The following OPCML variants were observed in gnomAD, a reference collection of about 807,000 sequenced individuals.
OPCML encodes opioid-binding protein/cell adhesion molecule.
In OPCML, 13 loss-of-function variants were observed where a neutral mutation model predicts 37.8. The observed-to-expected ratio is 0.34, with a 90% CI of 0.22 to 0.55. The LOEUF (loss-of-function observed/expected upper bound fraction) is 0.55. Ranked by LOEUF, OPCML falls within the 20% of genes least tolerant of loss-of-function variation. The pLI is 0.91. For synonymous variants in OPCML, 176 were observed against 168.8 expected (o/e 1.04, Z -0.33); for missense variants, 341 against 435.6 (o/e 0.78, Z 1.93).
At chr11:132,916,571 G>A (rs1944612639) in intron 2 of OPCML, among the ~76,000 whole-genome samples, 1 of 152,168 alleles carries the variant, frequency 6.6e-6, no homozygotes, top group South Asian at 2.1e-4. Flanking sequence ...AATAAAAGAA[G>A]ATGCACCATG....
intron 1 of OPCML, chr11:133,006,583 G>A: frequency 1.0e-6 from 1 of 985,448 alleles, no homozygotes; most frequent in Non-Finnish European, 1.2e-6. Flanking sequence ...GCTGTTGAAA[G>A]TTGAAAGTCG....
At chr11:132,985,214 C>T (rs923433084) in intron 1 of OPCML, among the ~76,000 whole-genome samples, 10 of 152,170 alleles carry the variant, frequency 6.6e-5, no homozygotes, top group African/African-American at 2.2e-4. Context: ...TCTATAGTTT[C>T]TGTGAGTAGG....
chr11:133,289,617 A>C (rs2136534305), intron 1 of OPCML, among the ~76,000 whole-genome samples: 1 of 151,636 alleles, frequency 6.6e-6, no homozygotes, highest in South Asian at 2.1e-4. Context: ...AAAAAAAAAA[A>C]ATTGACATAT....
chr11:133,265,285 C>A (rs1007134651), intron 1 of OPCML, among the ~76,000 whole-genome samples: 1 of 152,182 alleles, frequency 6.6e-6, no homozygotes, highest in African/African-American at 2.4e-5. Flanking sequence ...ATGTCTGACT[C>A]AGGGTAACGG....
At chr11:132,937,213 C>G (rs907394916) in intron 2 of OPCML, among the ~76,000 whole-genome samples, 4 of 152,068 alleles carry the variant, frequency 2.6e-5, no homozygotes, top group African/African-American at 9.7e-5. Context: ...GGACCGGCTC[C>G]CCAGCTCCCT....
intron 1 of OPCML, among the ~76,000 whole-genome samples, chr11:133,026,890 T>C (rs1290274672): frequency 6.6e-6 from 1 of 152,224 alleles, no homozygotes; most frequent in East Asian, 1.9e-4. Flanking sequence ...TGTTAGAGTG[T>C]CTTGATATAC....
rs76407686 is a variant in OPCML at position 133,149,463 on chromosome 11, C to T, written c.62-206453G>A. On this transcript the variant is annotated intron_variant, in intron 1 of 7. Transcript: ENST00000524381. ...GCTAGGCTTCCCACTTAAAGTAAAA[C>T]GAAGTTAATTTACTTGCAAAGAAGA... is the stretch of plus-strand genomic sequence containing the variant. Among the ~76,000 whole-genome samples the T allele has an allele frequency of 3.4e-3, 511 of 152,284 alleles. 4 individuals carry two copies. The highest frequency in any genetic ancestry group is 0.012 in the African/African-American group (493 of 41,556).
chr11:133,245,629 C>G (rs1228371697), intron 1 of OPCML, among the ~76,000 whole-genome samples: 1 of 152,190 alleles, frequency 6.6e-6, no homozygotes, highest in Non-Finnish European at 1.5e-5. Context: ...GGTAGAGCAC[C>G]CATTCATTCT....
At chr11:133,337,467 C>G (rs1943767966) in intron 1 of OPCML, among the ~76,000 whole-genome samples, 1 of 152,230 alleles carries the variant, frequency 6.6e-6, no homozygotes, top group Non-Finnish European at 1.5e-5. Context: ...CCAGTAACAA[C>G]AGAGACTGCA....
At chr11:132,607,605 C>G (rs1287029271) in intron 3 of OPCML, among the ~76,000 whole-genome samples, 4 of 152,172 alleles carry the variant, frequency 2.6e-5, no homozygotes, top group Non-Finnish European at 5.9e-5. Flanking sequence ...CTTTTCTATA[C>G]TGAGGACATA....
chr11:132,525,608 AG>A (rs1389078098), intron 4 of OPCML, among the ~76,000 whole-genome samples: 3 of 152,218 alleles, frequency 2.0e-5, no homozygotes, highest in African/African-American at 4.8e-5. Context: ...CCTAATTGCA[AG>A]TGAGAAGGAG....
intron 2 of OPCML, among the ~76,000 whole-genome samples, chr11:132,807,722 C>T (rs1939097783): frequency 6.6e-6 from 1 of 152,164 alleles, no homozygotes; most frequent in Non-Finnish European, 1.5e-5. Flanking sequence ...ACTGCAAGTA[C>T]CATTCTTCTC....
intron 3 of OPCML, among the ~76,000 whole-genome samples, chr11:132,545,232 T>C (rs1233734601): frequency 6.6e-6 from 1 of 152,186 alleles, no homozygotes; most frequent in Non-Finnish European, 1.5e-5. Flanking sequence ...AACATGATTA[T>C]GGAGCTGTGA....
At chr11:132,678,463 A>T (rs1942804666) in intron 2 of OPCML, among the ~76,000 whole-genome samples, 1 of 152,232 alleles carries the variant, frequency 6.6e-6, no homozygotes, top group South Asian at 2.1e-4. Flanking sequence ...CCGCAACTTT[A>T]TTCATAACTA....
intron 4 of OPCML, among the ~76,000 whole-genome samples, chr11:132,453,008 G>A (rs891343695): frequency 6.6e-6 from 1 of 152,122 alleles, no homozygotes. Flanking sequence ...ATCTTGTAAG[G>A]GATTGTCTTA....
chr11:133,269,481 T>C (rs980935482), intron 1 of OPCML, among the ~76,000 whole-genome samples: 9 of 152,218 alleles, frequency 5.9e-5, no homozygotes, highest in Non-Finnish European at 1.2e-4. Context: ...TTCTGTACCC[T>C]AGTAGGCAGC....
intron 1 of OPCML, among the ~76,000 whole-genome samples, chr11:133,175,579 T>C (rs1950359544): frequency 6.6e-6 from 1 of 151,094 alleles, no homozygotes; most frequent in South Asian, 2.1e-4. Context: ...TTCACACATT[T>C]AATTAGGAAA....
At chr11:132,591,155 T>A (rs2137705842) in intron 3 of OPCML, among the ~76,000 whole-genome samples, 1 of 152,294 alleles carries the variant, frequency 6.6e-6, no homozygotes, top group East Asian at 1.9e-4. Context: ...CTGTATAATC[T>A]CCTGCATGTG....
intron 4 of OPCML, among the ~76,000 whole-genome samples, chr11:132,528,460 A>G (rs1217611483): frequency 1.3e-5 from 2 of 152,198 alleles, no homozygotes; most frequent in African/African-American, 2.4e-5. Flanking sequence ...GGCAAGCCCC[A>G]CTGTCCTTCT....
Sources: gnomAD v4.1 joint callset for allele counts (sites outside exome capture counted in the v4.1 genomes callset) on GRCh38, gnomAD v4.1.1 for gene constraint, MANE v1.5 for transcripts, NCBI Gene and HGNC (gene_info 2026-07-23, HGNC 2026-07-21) for gene names.